NDST4: variants seen among roughly 807,000 people sequenced by gnomAD.
NDST4 encodes the protein N-deacetylase and N-sulfotransferase 4, also known as N-heparan sulfate sulfotransferase 4.
In NDST4, 63 loss-of-function variants were observed where a neutral mutation model predicts 100.8. That is an observed-to-expected ratio of 0.62 (90% confidence interval 0.51 to 0.77). NDST4 has a LOEUF of 0.77. NDST4 is among the 30% of genes least tolerant of loss of function. The probability of loss-of-function intolerance (pLI) is 0.00; values close to 1 mark genes in which losing one functional copy is unlikely to be tolerated. For missense variants in NDST4, 943 were observed against 1,018.4 expected (o/e 0.93, Z 1.01); for synonymous variants, 377 against 361.8 (o/e 1.04, Z -0.48).
intron 6 of NDST4, among the ~76,000 whole-genome samples, chr4:114,916,719 G>T (rs1725182565): frequency 6.6e-6 from 1 of 151,186 alleles, no homozygotes; most frequent in African/African-American, 2.4e-5. Flanking sequence ...TAGAGACAGG[G>T]TCTTACCATG....
chr4:114,957,991 G>T (rs1315360069), intron 4 of NDST4, among the ~76,000 whole-genome samples: 1 of 152,188 alleles, frequency 6.6e-6, no homozygotes, highest in African/African-American at 2.4e-5. Context: ...AGTGTCTGTG[G>T]CTTTTCCAGG....
At chr4:115,002,706 G>A (rs1392991203) in intron 2 of NDST4, among the ~76,000 whole-genome samples, 1 of 152,080 alleles carries the variant, frequency 6.6e-6, no homozygotes, top group Non-Finnish European at 1.5e-5. Context: ...AATACCATTT[G>A]ACCCAGGAAT....
At position 114,848,304 on chromosome 4, in the gene NDST4, A is replaced by T; in HGVS notation, c.1851T>A (p.His617Gln). The T allele has an allele frequency of 6.2e-7, 1 of 1,605,704 alleles. No individual in the cohort carries two copies. Among genetic ancestry groups the T allele is most frequent in the South Asian group, 1.1e-5 (1 of 89,506 alleles). The change falls in exon 9 of 14, where the codon CAT becomes CAA. Residue 617 changes from histidine to glutamine, a missense_variant. This residue lies in a region of NDST4 where 526 missense variants were observed against 634.1 expected (regional missense o/e 0.83). Transcript: ENST00000264363. ...TAGGGAGATTGCTGATGATTGAAGGATGCATAAGAAGAAATAAATAAAGTG... is the reference window on the plus strand; with the variant it reads ...TAGGGAGATTGCTGATGATTGAAGGTTGCATAAGAAGAAATAAATAAAGTG... Reference protein sequence around the residue: ...TTALYLFLLMHPSIISNLPSP... With the variant: ...TTALYLFLLMQPSIISNLPSP...
intron 2 of NDST4, among the ~76,000 whole-genome samples, chr4:114,982,700 G>A (rs1726803931): frequency 6.6e-6 from 1 of 152,180 alleles, no homozygotes; most frequent in Non-Finnish European, 1.5e-5. Flanking sequence ...CAAGCCAGCT[G>A]CAGACACTTG....
At chr4:114,955,174 C>T (rs184954435) in intron 4 of NDST4, among the ~76,000 whole-genome samples, 8 of 152,238 alleles carry the variant, frequency 5.3e-5, no homozygotes, top group South Asian at 4.2e-4. Flanking sequence ...AATTCAAGAA[C>T]TGTACAGCCT....
intron 2 of NDST4, among the ~76,000 whole-genome samples, chr4:115,067,729 CTT>C (rs143037463): frequency 0.25 from 36,427 of 148,234 alleles, 5,832 homozygotes; most frequent in East Asian, 0.46. Context: ...TTATCATTTT[CTT>C]TTTTTTTTGT....
chr4:114,877,430 A>G (rs1334840075), intron 6 of NDST4, among the ~76,000 whole-genome samples: 2 of 152,190 alleles, frequency 1.3e-5, no homozygotes, highest in African/African-American at 2.4e-5. Context: ...CTTTAAGATA[A>G]TAAGTACTTA....
chr4:115,099,270 T>C (rs1729681979), intron 1 of NDST4, among the ~76,000 whole-genome samples: 1 of 152,162 alleles, frequency 6.6e-6, no homozygotes, highest in African/African-American at 2.4e-5. Context: ...GATTTTTTTT[T>C]ACTTAACACA....
intron 8 of NDST4, among the ~76,000 whole-genome samples, chr4:114,851,573 T>C (rs1723676679): frequency 6.6e-6 from 1 of 152,180 alleles, no homozygotes; most frequent in South Asian, 2.1e-4. Flanking sequence ...TAATATTCAA[T>C]GACAAATGAT....
At chr4:114,857,822 C>A (rs780629290) in intron 7 of NDST4, among the ~76,000 whole-genome samples, 1 of 152,120 alleles carries the variant, frequency 6.6e-6, no homozygotes, top group Non-Finnish European at 1.5e-5. Flanking sequence ...CTTGAAGGAA[C>A]AAGCTAGGAA....
chr4:115,093,296 A>AG (rs1285037596), intron 1 of NDST4, among the ~76,000 whole-genome samples: 2 of 152,048 alleles, frequency 1.3e-5, no homozygotes, highest in Non-Finnish European at 2.9e-5. Context: ...TAACACGGTG[A>AG]AACCCCATCT....
intron 6 of NDST4, among the ~76,000 whole-genome samples, chr4:114,920,335 C>A (rs1316827791): frequency 6.6e-6 from 1 of 152,066 alleles, no homozygotes; most frequent in Non-Finnish European, 1.5e-5. Context: ...ATTTCTTGAG[C>A]AAGTTAAGTG....
At chr4:114,975,324 T>C (rs1726608380) in intron 3 of NDST4, among the ~76,000 whole-genome samples, 1 of 152,160 alleles carries the variant, frequency 6.6e-6, no homozygotes, top group Non-Finnish European at 1.5e-5. Flanking sequence ...CTAAAATTTA[T>C]AGATTTATAA....
intron 12 of NDST4, among the ~76,000 whole-genome samples, chr4:114,831,629 C>T (rs1723203399): frequency 6.6e-6 from 1 of 152,138 alleles, no homozygotes; most frequent in African/African-American, 2.4e-5. Flanking sequence ...GGGCTGTGGT[C>T]TCTCCTTGTT....
At chr4:115,107,640 C>T (rs555296323) in intron 1 of NDST4, among the ~76,000 whole-genome samples, 30 of 152,180 alleles carry the variant, frequency 2.0e-4, no homozygotes, top group African/African-American at 7.0e-4. Context: ...TTATAGCACT[C>T]ACAGGCACTA....
intron 6 of NDST4, among the ~76,000 whole-genome samples, chr4:114,931,375 A>G (rs1261367808): frequency 6.6e-6 from 1 of 151,646 alleles, no homozygotes; most frequent in Non-Finnish European, 1.5e-5. Flanking sequence ...TAAGAGGGAA[A>G]TTTATGGCAC....
At chr4:115,028,337 C>T (rs1271127511) in intron 2 of NDST4, among the ~76,000 whole-genome samples, 4 of 151,988 alleles carry the variant, frequency 2.6e-5, no homozygotes, top group African/African-American at 4.8e-5. Flanking sequence ...ACACTTTGGA[C>T]AGAAACTTCC....
At chr4:115,012,512 G>A (rs1727571782) in intron 2 of NDST4, among the ~76,000 whole-genome samples, 1 of 151,884 alleles carries the variant, frequency 6.6e-6, no homozygotes, top group Non-Finnish European at 1.5e-5. Context: ...CCCAAATTAA[G>A]TAAAATAAAC....
At chr4:114,953,053 G>T (rs1726057224) in intron 4 of NDST4, among the ~76,000 whole-genome samples, 1 of 144,828 alleles carries the variant, frequency 6.9e-6, no homozygotes. Context: ...TTTGTGGGAA[G>T]GCCTTGTCCA....
Sources: gnomAD v4.1 joint callset for allele counts (sites outside exome capture counted in the v4.1 genomes callset) on GRCh38, gnomAD v4.1.1 for gene constraint, gnomAD v4.1.1 regional missense constraint, MANE v1.5 for transcripts, NCBI Gene and HGNC (gene_info 2026-07-23, HGNC 2026-07-21) for gene names.